Variants in CACNA2D3 observed in about 807,000 individuals in gnomAD.
CACNA2D3 encodes the protein voltage-dependent calcium channel subunit alpha-2/delta-3.
CACNA2D3 carries 60 observed loss-of-function variants against 160.6 expected under a neutral mutation model. That is an observed-to-expected ratio of 0.37 (90% CI 0.30 to 0.46). The LOEUF is 0.46. Ranked by LOEUF, CACNA2D3 falls within the 20% of genes least tolerant of loss-of-function variation. The probability of loss-of-function intolerance (pLI) is 1.00; values close to 1 mark genes in which losing one functional copy is unlikely to be tolerated. For missense variants in CACNA2D3, 1,205 were observed against 1,365.0 expected (o/e 0.88, Z 1.85); for synonymous variants, 558 against 492.9 (o/e 1.13, Z -1.75).
chr3:54,123,565 A>G lies in CACNA2D3; in HGVS notation c.175A>G (p.Lys59Glu). Residue 59 changes from lysine (K) to glutamate (E), a missense_variant, in exon 2 of 38, where the codon AAG becomes GAG. Coordinates refer to ENST00000474759, the MANE Select transcript of CACNA2D3 (RefSeq NM_018398.3). The stretch of plus-strand genomic sequence containing the variant: ...TGGGGAGATAAAATCCATTGCTGCT[A>G]AGTACTCCGGTTCCCAGCTTCTGCA... The part of the protein sequence containing the change: ...FGGEIKSIAA[K>E]YSGSQLLQKK... 2 of 1,613,772 alleles carry G rather than the reference A, an allele frequency of 1.2e-6. No homozygotes were observed. Among genetic ancestry groups the G allele is most frequent in the Non-Finnish European group, 8.5e-7 (1 of 1,179,816 alleles).
Position 55,018,287 on chromosome 3 carries a change from C to T in CACNA2D3, c.2957C>T (p.Thr986Ile), listed in dbSNP as rs750553555. The T allele has an allele frequency of 1.9e-6, 3 of 1,612,034 alleles. No homozygotes were observed. The Admixed American group carries it at 5.0e-5, about 27-fold the overall frequency. Residue 986 changes from threonine to isoleucine, a missense_variant, in exon 35 of 38, where the codon ACA (threonine) becomes ATA (isoleucine). By Grantham distance (89) the Thr-to-Ile change is moderately conservative (BLOSUM62 -1). This residue lies in a region of CACNA2D3 where 911 missense variants were observed against 1,002.2 expected (regional missense o/e 0.91). Transcript: ENST00000474759. ...FVSERTIKET[T>I]GNIACEDCSK... ...TCTGAGCGCACCATCAAGGAGACTA[C>T]AGGGAATATTGCTTGTGAAGACTGC...
intron 27 of CACNA2D3, among the ~76,000 whole-genome samples, chr3:54,911,089 A>C (rs1001031288): frequency 9.2e-5 from 14 of 152,106 alleles, no homozygotes; most frequent in African/African-American, 3.4e-4. Context: ...TAGTCATTAC[A>C]TCGTTTCATT....
At chr3:54,317,589 G>A (rs1271399292) in intron 2 of CACNA2D3, among the ~76,000 whole-genome samples, 1 of 152,110 alleles carries the variant, frequency 6.6e-6, no homozygotes, top group Non-Finnish European at 1.5e-5. Context: ...CCAGGCTGGA[G>A]TGCAATGGCG....
At chr3:54,372,915 A>G (rs994142137) in intron 3 of CACNA2D3, among the ~76,000 whole-genome samples, 3 of 152,220 alleles carry the variant, frequency 2.0e-5, no homozygotes, top group Non-Finnish European at 2.9e-5. Flanking sequence ...TGAGAATTAG[A>G]ATGGAAAAAT....
rs1431576368 is a variant in CACNA2D3, at chr3:54,515,161, CGTGTGTGTGTGTCT to C, written c.544+11520_544+11533del. Among the ~76,000 whole-genome samples, 833 of 133,306 alleles carry C rather than the reference CGTGTGTGTGTGTCT, an allele frequency of 6.2e-3. 9 individuals are homozygous for C. Among genetic ancestry groups the C allele is most frequent in the African/African-American group, 0.02 (739 of 36,204 alleles). The allele number at this position is 133,306 out of a possible 152,430, so 87.5% of individuals were successfully genotyped here. On this transcript the variant is annotated intron_variant, in intron 5 of 37. Coordinates refer to ENST00000474759, the MANE Select transcript of CACNA2D3 (RefSeq NM_018398.3). Reference sequence around the variant, plus strand: ...GCAGAAGAAAATGCATAGTAAAATCCGTGTGTGTGTGTCTGTGTGTGTGTGTGTGTGTGTGTGTG... The same window carrying C: ...GCAGAAGAAAATGCATAGTAAAATCCGTGTGTGTGTGTGTGTGTGTGTGTG...
chr3:54,313,763 C>T lies in CACNA2D3; in HGVS notation c.205-6679C>T, dbSNP rs532261486. Among the ~76,000 whole-genome samples the T allele has an allele frequency of 6.5e-5, 8 of 122,204 alleles. No individual in the cohort carries two copies. The South Asian group carries it at 1.3e-3, about 21-fold the overall frequency. The allele number at this position is 122,204 out of a possible 152,430, so 80.2% of individuals were successfully genotyped here. A position where few individuals can be genotyped will look rare whatever the true frequency, so the allele number is the denominator to read the frequency against. The stretch of plus-strand genomic sequence containing the variant: ...CCTCCCACCCCACCCCCAGCCTTGT[C>T]GTCCTCAAAGGGTTCTGCAAGATAG... On this transcript the variant is annotated intron_variant, in intron 2 of 37. Coordinates refer to ENST00000474759, the MANE Select transcript of CACNA2D3 (RefSeq NM_018398.3).
rs559033960 is a variant in CACNA2D3 at position 54,681,074 on chromosome 3, A to G, written c.1167+38833A>G. On this transcript the variant is annotated intron_variant, in intron 11 of 37. Coordinates refer to ENST00000474759, the MANE Select transcript of CACNA2D3 (RefSeq NM_018398.3). The stretch of plus-strand genomic sequence containing the variant: ...TTTTTCCCTAAAATCTGATGGCTAT[A>G]TGGAGTTCCCATTTTTAAAATTTTC... Among the ~76,000 whole-genome samples, 28 of 152,144 alleles carry G rather than the reference A, an allele frequency of 1.8e-4. 1 individual carries two copies. The South Asian group carries it at 5.8e-3, about 32-fold the overall frequency.
At chr3:54,257,744 C>T (rs564133027) in intron 2 of CACNA2D3, among the ~76,000 whole-genome samples, 42 of 152,202 alleles carry the variant, frequency 2.8e-4, no homozygotes, top group African/African-American at 9.6e-4. Flanking sequence ...GGCAGTGGGC[C>T]CCCTGTTCTT....
intron 9 of CACNA2D3, among the ~76,000 whole-genome samples, chr3:54,616,659 A>G (rs1282610919): frequency 2.6e-5 from 4 of 152,208 alleles, no homozygotes; most frequent in Non-Finnish European, 1.5e-5. Context: ...ATATTGATAA[A>G]ACAAGATTGG....
At chr3:54,982,548 G>A (rs1281211292) in intron 29 of CACNA2D3, among the ~76,000 whole-genome samples, 3 of 152,030 alleles carry the variant, frequency 2.0e-5, no homozygotes, top group South Asian at 2.1e-4. Context: ...TACTGGAAAC[G>A]GGTCCTGATC....
At chr3:55,053,880 G>T (rs369792798) in intron 35 of CACNA2D3, among the ~76,000 whole-genome samples, 1 of 151,806 alleles carries the variant, frequency 6.6e-6, no homozygotes, top group Non-Finnish European at 1.5e-5. Context: ...AAAGCATTTG[G>T]TCATTCATAT....
At chr3:54,513,441 A>G (rs569272265) in intron 5 of CACNA2D3, among the ~76,000 whole-genome samples, 1 of 152,176 alleles carries the variant, frequency 6.6e-6, no homozygotes, top group Non-Finnish European at 1.5e-5. Flanking sequence ...CATACAATGC[A>G]ATCCTACCCC....
rs553049237 is a variant in CACNA2D3, at chr3:54,845,316, T to C, written c.1552-1077T>C. Among the ~76,000 whole-genome samples, 392 of 152,342 alleles carry C rather than the reference T, an allele frequency of 2.6e-3. 2 individuals are homozygous for C. Among genetic ancestry groups the C allele is most frequent in the Non-Finnish European group, 4.5e-3 (305 of 68,028 alleles). On this transcript the variant is annotated intron_variant, in intron 16 of 37. Coordinates refer to ENST00000474759, the MANE Select transcript of CACNA2D3 (RefSeq NM_018398.3). ...GGCAGACAGGGTCATTCCTGGTTTG[T>C]AAACTCTGTTGTCTGGATCATTTAA...
chr3:54,336,066 A>G (rs1278931522), intron 3 of CACNA2D3, among the ~76,000 whole-genome samples: 4 of 151,140 alleles, frequency 2.6e-5, no homozygotes, highest in African/African-American at 4.9e-5. Flanking sequence ...CAACACTACT[A>G]TATCTCAGGG....
chr3:54,714,204 G>C (rs1701007790), intron 11 of CACNA2D3, among the ~76,000 whole-genome samples: 1 of 152,110 alleles, frequency 6.6e-6, no homozygotes, highest in African/African-American at 2.4e-5. Context: ...ATGTCACTGG[G>C]CCTGGAAACA....
chr3:54,958,982 T>A (rs1701968822), intron 27 of CACNA2D3, among the ~76,000 whole-genome samples: 1 of 152,048 alleles, frequency 6.6e-6, no homozygotes, highest in East Asian at 1.9e-4. Context: ...ATGCCTGTAG[T>A]CCTAGCTACT....
chr3:54,149,728 G>T (rs1700103158), intron 2 of CACNA2D3, among the ~76,000 whole-genome samples: 1 of 152,126 alleles, frequency 6.6e-6, no homozygotes. Context: ...TCGGTCCCCA[G>T]TGTGATGTGT....
At chr3:54,936,587 T>C (rs1701335589) in intron 27 of CACNA2D3, among the ~76,000 whole-genome samples, 1 of 152,190 alleles carries the variant, frequency 6.6e-6, no homozygotes, top group African/African-American at 2.4e-5. Flanking sequence ...GCAATAGTGA[T>C]GTTCTCATCT....
At chr3:54,214,010 ATTTTAAGTGGAAATATGGGGATGCAGG>A (rs1236113816) in intron 2 of CACNA2D3, among the ~76,000 whole-genome samples, 1 of 152,096 alleles carries the variant, frequency 6.6e-6, no homozygotes, top group African/African-American at 2.4e-5. Flanking sequence ...GAACCTTGGC[ATTTTAAGTGGAAATATGGGGATGCAGG>A]TATTTGCTGA....
Sources: allele counts gnomAD v4.1 joint callset (sites outside exome capture counted in the v4.1 genomes callset), GRCh38; gene constraint gnomAD v4.1.1; regional missense constraint gnomAD v4.1.1; transcripts MANE v1.5; gene names NCBI Gene and HGNC (gene_info 2026-07-23, HGNC 2026-07-21).